CLASP2: variants seen among roughly 807,000 people sequenced by gnomAD.
CLASP2 encodes CLIP-associating protein 2.
CLASP2 carries 47 observed loss-of-function variants against 194.4 expected under a neutral mutation model. The observed-to-expected ratio is 0.24, with a 90% CI of 0.19 to 0.31. The LOEUF is 0.31. CLASP2 is among the 10% of genes least tolerant of loss of function. The probability of loss-of-function intolerance (pLI) is 1.00; values close to 1 mark genes in which losing one functional copy is unlikely to be tolerated. For synonymous variants in CLASP2, 619 were observed against 633.5 expected (o/e 0.98, Z 0.34); for missense variants, 1,445 against 1,823.6 (o/e 0.79, Z 3.78).
At chr3:33,620,997 TTG>T (rs60682503) in intron 11 of CLASP2, among the ~76,000 whole-genome samples, 39,245 of 141,924 alleles carry the variant, frequency 0.28, 5,248 homozygotes, top group Middle Eastern at 0.37. Flanking sequence ...CTGTAGCTCT[TTG>T]TGTGTGTGTG....
intron 13 of CLASP2, among the ~76,000 whole-genome samples, chr3:33,610,315 C>G (rs1458810281): frequency 6.6e-6 from 1 of 152,300 alleles, no homozygotes; most frequent in South Asian, 2.1e-4. Context: ...TCAAAGCCCT[C>G]CACACTATGA....
intron 1 of CLASP2, among the ~76,000 whole-genome samples, chr3:33,705,643 G>A (rs1252671454): frequency 6.6e-6 from 1 of 152,082 alleles, no homozygotes; most frequent in East Asian, 1.9e-4. Context: ...GAAAAAATGT[G>A]TACTCTTAAG....
chr3:33,587,182 G>A (rs1229308929), intron 21 of CLASP2, among the ~76,000 whole-genome samples: 2 of 151,756 alleles, frequency 1.3e-5, no homozygotes, highest in African/African-American at 4.8e-5. Flanking sequence ...CTGGAGTGCA[G>A]TGGTGTGATC....
At chr3:33,713,916 G>A (rs573143840) in intron 1 of CLASP2, among the ~76,000 whole-genome samples, 8 of 152,274 alleles carry the variant, frequency 5.3e-5, no homozygotes, top group Admixed American at 2.6e-4. Flanking sequence ...AGTAAAAGTA[G>A]AGCTGGCAAA....
intron 24 of CLASP2, 60 bp downstream of exon 24, chr3:33,576,109 A>G (rs1576649513): frequency 7.7e-7 from 1 of 1,306,356 alleles, no homozygotes; most frequent in Non-Finnish European, 1.1e-6. Context: ...AGACTGGCCT[A>G]CTCATTCAAC....
intron 30 of CLASP2, among the ~76,000 whole-genome samples, chr3:33,549,685 A>G (rs868356063): frequency 4.6e-5 from 7 of 151,838 alleles, no homozygotes; most frequent in Non-Finnish European, 7.4e-5. Flanking sequence ...TGTTAGGTGC[A>G]GTGCTCATCA....
intron 7 of CLASP2, among the ~76,000 whole-genome samples, chr3:33,647,757 G>T (rs542975593): frequency 7.2e-5 from 11 of 152,240 alleles, no homozygotes; most frequent in Admixed American, 2.6e-4. Flanking sequence ...TAAGTAGGCC[G>T]GGCGCGGTGG....
rs2048189726 is a variant in CLASP2, at chr3:33,506,377, C to CAAAAAAAAAAAAAAAAAAAAAAA, written c.4317+4180_4317+4181insTTTTTTTTTTTTTTTTTTTTTTT. On this transcript the variant is annotated intron_variant, in intron 37 of 38. Coordinates refer to ENST00000682230, the MANE Select transcript of CLASP2 (RefSeq NM_001365631.1). ...TGGGTGACAGAGTGAGACTCTGTCT[C>CAAAAAAAAAAAAAAAAAAAAAAA]GAAAAAAAAAAAAAAAAAAAAAAAA... 1.8e-4 allele frequency among the ~76,000 whole-genome samples: 11 copies of CAAAAAAAAAAAAAAAAAAAAAAA among 61,878 alleles called. 2 individuals carry two copies. The highest frequency in any genetic ancestry group is 8.1e-4 in the Admixed American group (3 of 3,682). 40.6% of individuals were successfully genotyped at this position (61,878 alleles called of 152,430 possible).
chr3:33,548,534 T>A (rs1278515060), intron 30 of CLASP2, among the ~76,000 whole-genome samples: 1 of 152,026 alleles, frequency 6.6e-6, no homozygotes, highest in African/African-American at 2.4e-5. Flanking sequence ...CCTGACCTCA[T>A]GATCCACCCG....
chr3:33,682,315 A>C (rs902661292), intron 6 of CLASP2, among the ~76,000 whole-genome samples: 1 of 152,226 alleles, frequency 6.6e-6, no homozygotes, highest in Admixed American at 6.5e-5. Context: ...TTTCTTTTAA[A>C]AATACATTGA....
chr3:33,713,012 C>CAAAAAAAAAAAAAAAAAAAAAAAAA lies in CLASP2; in HGVS notation c.195+4771_195+4795dup, dbSNP rs57940200. Among the ~76,000 whole-genome samples the CAAAAAAAAAAAAAAAAAAAAAAAAA allele has an allele frequency of 8.1e-4, 38 of 47,002 alleles. 1 individual carries two copies. Among genetic ancestry groups the CAAAAAAAAAAAAAAAAAAAAAAAAA allele is most frequent in the Non-Finnish European group, 1.2e-3 (28 of 23,700 alleles). The allele number at this position is 47,002 out of a possible 152,430, so 30.8% of individuals were successfully genotyped here. A position where few individuals can be genotyped will look rare whatever the true frequency, so the allele number is the denominator to read the frequency against. ...GGGCGACAAGAGCAAAACTCCACCT[C>CAAAAAAAAAAAAAAAAAAAAAAAAA]AAAAAAAAAAAAAAAAAAAAAAAAA... On this transcript the variant is annotated intron_variant, in intron 1 of 38. Coordinates refer to ENST00000682230, the MANE Select transcript of CLASP2 (RefSeq NM_001365631.1).
chr3:33,559,457 G>A, intron 28 of CLASP2, 72 bp from the exon 29 acceptor site: 1 of 799,738 alleles, frequency 1.3e-6, no homozygotes, highest in Non-Finnish European at 2.1e-6. Flanking sequence ...AAAAGACTAT[G>A]CTTAATACCA....
At chr3:33,695,061 T>C (rs989377592) in intron 2 of CLASP2, among the ~76,000 whole-genome samples, 2 of 148,604 alleles carry the variant, frequency 1.3e-5, no homozygotes, top group Non-Finnish European at 3.0e-5. Flanking sequence ...ATATCTACTA[T>C]AGTTTTTTTT....
chr3:33,599,778 G>A (rs1445337951), intron 18 of CLASP2, among the ~76,000 whole-genome samples: 5 of 152,120 alleles, frequency 3.3e-5, no homozygotes, highest in Non-Finnish European at 7.4e-5. Context: ...GTGGGGTGAA[G>A]GGAGAAAGGG....
At chr3:33,695,426 A>G (rs2091788012) in intron 2 of CLASP2, among the ~76,000 whole-genome samples, 1 of 151,938 alleles carries the variant, frequency 6.6e-6, no homozygotes, top group African/African-American at 2.4e-5. Flanking sequence ...GAAAATATTA[A>G]CACAAAGGAT....
At chr3:33,702,047 T>C (rs2092411131) in intron 1 of CLASP2, among the ~76,000 whole-genome samples, 1 of 152,072 alleles carries the variant, frequency 6.6e-6, no homozygotes, top group South Asian at 2.1e-4. Context: ...GCTAAGAAAA[T>C]GAAAAACCCA....
At position 33,624,390 on chromosome 3, in the gene CLASP2, A is replaced by G. The variant is rs375966030; in HGVS notation, c.1036-2110T>C. ...AACAGAGGAGAATTTTCAAGTGTCT[A>G]AATTATAACTAAAAACAAAATAAAA... On this transcript the variant is annotated intron_variant, in intron 10 of 38. Transcript: ENST00000682230. Among the ~76,000 whole-genome samples, 6 of 152,280 alleles carry G rather than the reference A, an allele frequency of 3.9e-5. No individual in the cohort carries two copies. In the East Asian group the frequency reaches 1.2e-3, roughly 29 times the overall value.
chr3:33,543,198 C>A (rs1420353483), intron 32 of CLASP2, among the ~76,000 whole-genome samples: 1 of 152,102 alleles, frequency 6.6e-6, no homozygotes, highest in Non-Finnish European at 1.5e-5. Context: ...CATGGTGAAA[C>A]CCTGTCTCTA....
intron 34 of CLASP2, among the ~76,000 whole-genome samples, chr3:33,533,452 G>A (rs2056728846): frequency 1.3e-5 from 2 of 152,106 alleles, no homozygotes; most frequent in Non-Finnish European, 2.9e-5. Flanking sequence ...AACTACAAGT[G>A]AAGCTATTTC....
Sources: allele counts gnomAD v4.1 joint callset (sites outside exome capture counted in the v4.1 genomes callset), GRCh38; gene constraint gnomAD v4.1.1; transcripts MANE v1.5; gene names NCBI Gene and HGNC (gene_info 2026-07-23, HGNC 2026-07-21).